The following RBM47 variants were observed in gnomAD, a reference collection of about 807,000 sequenced individuals.
RBM47 encodes the protein RNA-binding protein 47.
In RBM47, 21 loss-of-function variants were observed where a neutral mutation model predicts 47.1. The observed-to-expected ratio is 0.45, with a 90% confidence interval of 0.32 to 0.64. The LOEUF is 0.64. Ranked by LOEUF, RBM47 falls within the 30% of genes least tolerant of loss-of-function variation. The probability of loss-of-function intolerance (pLI) is 0.05; values close to 1 mark genes in which losing one functional copy is unlikely to be tolerated. For missense variants in RBM47, 708 were observed against 870.9 expected, an observed-to-expected ratio of 0.81 and a Z score of 2.35; for synonymous variants, 375 against 361.7, an observed-to-expected ratio of 1.04 and a Z score of -0.42.
At chr4:40,468,644 G>A (rs1159212830) in intron 2 of RBM47, among the ~76,000 whole-genome samples, 1 of 152,036 alleles carries the variant, frequency 6.6e-6, no homozygotes, top group Non-Finnish European at 1.5e-5. Context: ...GGAATGACTG[G>A]GTGCTCAGTG....
At chr4:40,570,178 AG>A (rs2154268556) in intron 1 of RBM47, among the ~76,000 whole-genome samples, 1 of 152,076 alleles carries the variant, frequency 6.6e-6, no homozygotes, top group South Asian at 2.1e-4. Flanking sequence ...AGAATGGTGA[AG>A]GGAGAAGTGA....
At chr4:40,619,005 C>T (rs1484062003) in intron 1 of RBM47, among the ~76,000 whole-genome samples, 1 of 151,990 alleles carries the variant, frequency 6.6e-6, no homozygotes, top group Non-Finnish European at 1.5e-5. Flanking sequence ...TCCTCCAGGC[C>T]ATCACCACAT....
intron 1 of RBM47, among the ~76,000 whole-genome samples, chr4:40,617,565 T>C (rs1244057327): frequency 6.6e-6 from 1 of 151,960 alleles, no homozygotes; most frequent in Non-Finnish European, 1.5e-5. Context: ...CTCAAAATAA[T>C]AAATAAATAT....
chr4:40,524,185 G>A (rs1044832686), intron 2 of RBM47, among the ~76,000 whole-genome samples: 1 of 152,132 alleles, frequency 6.6e-6, no homozygotes, highest in African/African-American at 2.4e-5. Flanking sequence ...CACCTGCTGT[G>A]TACTAGACAC....
intron 1 of RBM47, among the ~76,000 whole-genome samples, chr4:40,576,993 T>A (rs1007258191): frequency 1.1e-4 from 16 of 152,152 alleles, no homozygotes; most frequent in Non-Finnish European, 2.1e-4. Flanking sequence ...CCATGCTGAA[T>A]GCTACCTGTG....
rs869148472 is a variant in RBM47, at chr4:40,423,709, TTTC to T, written c.*2192_*2194del. ...CTTTCTTTCTTTCTTTCTTTCTTTC[TTTC>T]TTTTCTTTCTTTTCTTTCTTCCTCT... On this transcript the variant is annotated 3_prime_UTR_variant, in exon 7 of 7. Coordinates refer to ENST00000295971, the MANE Select transcript of RBM47 (RefSeq NM_001098634.2). The T allele has an allele frequency of 1.3e-5, 1 of 78,282 alleles. No homozygotes were observed. Among genetic ancestry groups the T allele is most frequent in the African/African-American group, 9.4e-5 (1 of 10,606 alleles). 4.8% of individuals were successfully genotyped at this position (78,282 alleles called of 1,614,324 possible). A position where few individuals can be genotyped will look rare whatever the true frequency, so the allele number is the denominator to read the frequency against.
chr4:40,529,746 C>T (rs1250428590), intron 2 of RBM47, among the ~76,000 whole-genome samples: 5 of 146,470 alleles, frequency 3.4e-5, no homozygotes, highest in Non-Finnish European at 7.5e-5. Flanking sequence ...GGAGAATTGC[C>T]TGAACCCGGA....
At chr4:40,468,242 G>C (rs1052360104) in intron 2 of RBM47, among the ~76,000 whole-genome samples, 1 of 152,148 alleles carries the variant, frequency 6.6e-6, no homozygotes, top group African/African-American at 2.4e-5. Flanking sequence ...AGCTGAGATT[G>C]TGCCACTGCA....
chr4:40,442,291 T>TACCA (rs2154215329), intron 3 of RBM47, among the ~76,000 whole-genome samples: 1 of 152,320 alleles, frequency 6.6e-6, no homozygotes, highest in South Asian at 2.1e-4. Flanking sequence ...AAGTATTGCA[T>TACCA]ACCAACAAGT....
intron 5 of RBM47, among the ~76,000 whole-genome samples, chr4:40,433,723 G>T (rs1228594749): frequency 6.6e-6 from 1 of 152,006 alleles, no homozygotes; most frequent in Admixed American, 6.6e-5. Flanking sequence ...TCCCCACCCT[G>T]TATTTCAGAT....
At chr4:40,540,904 C>T (rs78477486) in intron 2 of RBM47, among the ~76,000 whole-genome samples, 2,361 of 151,420 alleles carry the variant, frequency 0.016, 62 homozygotes, top group African/African-American at 0.054. Context: ...ATATAATATC[C>T]TCATTCTATT....
At chr4:40,461,215 T>TCGCGTCTC (rs1352500607) in intron 3 of RBM47, among the ~76,000 whole-genome samples, 2 of 152,202 alleles carry the variant, frequency 1.3e-5, no homozygotes, top group Non-Finnish European at 2.9e-5. Flanking sequence ...TATTCATGTC[T>TCGCGTCTC]CGCGTACTCT....
rs1714892168 is a variant in RBM47, at chr4:40,425,469, T to A, written c.*435A>T. On this transcript the variant is annotated 3_prime_UTR_variant, in exon 7 of 7. Transcript: ENST00000295971. The stretch of plus-strand genomic sequence containing the variant: ...TATCTTTAAATATTGTATATATTTT[T>A]CAAAATAGTTCCCTAGCTCCTCAAG... 6.4e-6 allele frequency: 1 copy of A among 156,688 alleles called. No homozygotes were observed. Among genetic ancestry groups the A allele is most frequent in the Non-Finnish European group, 1.4e-5 (1 of 70,402 alleles). 9.7% of individuals were successfully genotyped at this position (156,688 alleles called of 1,614,324 possible).
chr4:40,556,338 T>C (rs1730083711), intron 1 of RBM47, among the ~76,000 whole-genome samples: 1 of 151,244 alleles, frequency 6.6e-6, no homozygotes. Context: ...CCCAGCCTAA[T>C]ACATTCTTTT....
At chr4:40,630,428 A>AGAGCTCCCGGGGC (rs1273923084), upstream of RBM47, 2 of 152,004 alleles carry the variant, frequency 1.3e-5, no homozygotes, top group Non-Finnish European at 2.9e-5. Context: ...GTGCCCGGGG[A>AGAGCTCCCGGGGC]GAGCTCCCGG....
chr4:40,440,667 G>GCCAGTATGT (rs950550672), intron 3 of RBM47, among the ~76,000 whole-genome samples: 1 of 152,154 alleles, frequency 6.6e-6, no homozygotes, highest in Non-Finnish European at 1.5e-5. Context: ...TGTGGCTTCT[G>GCCAGTATGT]GAGCCAGACT....
chr4:40,627,441 C>T (rs1399709241), intron 1 of RBM47, among the ~76,000 whole-genome samples: 1 of 152,182 alleles, frequency 6.6e-6, no homozygotes, highest in Non-Finnish European at 1.5e-5. Flanking sequence ...ATCCACTCCC[C>T]TGACCTTTTC....
At chr4:40,535,407 C>T (rs1258401506) in intron 2 of RBM47, among the ~76,000 whole-genome samples, 1 of 76,760 alleles carries the variant, frequency 1.3e-5, no homozygotes, top group Non-Finnish European at 2.5e-5. Context: ...GAGCCTTGCT[C>T]TGTCACCCAG....
intron 6 of RBM47, among the ~76,000 whole-genome samples, chr4:40,431,753 A>AG (rs1716109285): frequency 1.6e-5 from 1 of 62,638 alleles, no homozygotes; most frequent in African/African-American, 4.5e-5. Flanking sequence ...ATACACTATG[A>AG]AAAAGGTGGG....
Sources: allele counts gnomAD v4.1 joint callset (sites outside exome capture counted in the v4.1 genomes callset), GRCh38; gene constraint gnomAD v4.1.1; transcripts MANE v1.5; gene names NCBI Gene and HGNC (gene_info 2026-07-23, HGNC 2026-07-21).